The following ZFC3H1 variants were observed in gnomAD, a reference collection of about 807,000 sequenced individuals.
ZFC3H1 encodes zinc finger C3H1 domain-containing protein.
In ZFC3H1, 71 loss-of-function variants were observed where a neutral mutation model predicts 243.7. The ratio of observed to expected loss-of-function variants is 0.29; its 90% CI spans 0.24 to 0.36. The LOEUF (loss-of-function observed/expected upper bound fraction) is 0.36. Among genes scored for constraint, ZFC3H1 ranks in the 10% least tolerant of loss-of-function variants. The probability of loss-of-function intolerance (pLI) is 1.00; values close to 1 mark genes in which losing one functional copy is unlikely to be tolerated. For missense variants in ZFC3H1, 1,966 were observed against 2,317.1 expected (o/e 0.85, Z 3.11); for synonymous variants, 838 against 813.0 (o/e 1.03, Z -0.52).
At chr12:71,649,491 CA>C (rs1880825285) in intron 2 of ZFC3H1, among the ~76,000 whole-genome samples, 1 of 152,160 alleles carries the variant, frequency 6.6e-6, no homozygotes, top group Non-Finnish European at 1.5e-5. Flanking sequence ...GCTGTGCTAT[CA>C]TTTTTCATTT....
chr12:71,622,359 C>G (rs78179549), intron 24 of ZFC3H1, among the ~76,000 whole-genome samples: 2 of 152,164 alleles, frequency 1.3e-5, no homozygotes. Flanking sequence ...GGTCCCCATT[C>G]TTCTATGAAG....
chr12:71,650,287 T>C (rs1880848532), intron 2 of ZFC3H1, among the ~76,000 whole-genome samples: 1 of 152,090 alleles, frequency 6.6e-6, no homozygotes, highest in Non-Finnish European at 1.5e-5. Flanking sequence ...AAAAAATTAA[T>C]AAATACAATA....
rs193197488 is a variant in ZFC3H1 at position 71,623,656 on chromosome 12, A to G, written c.4507-59T>C. ...TTAGAGATGTCAGTACCAGATTAAC[A>G]TAATTTTTACTATGCTAAAGTTTAT... is the stretch of plus-strand genomic sequence containing the variant. On this transcript the variant is annotated intron_variant, in intron 23 of 34. Transcript: ENST00000378743. 3,114 of 1,253,062 alleles carry G rather than the reference A, an allele frequency of 2.5e-3. 11 individuals carry two copies. The highest frequency in any genetic ancestry group is 0.01 in the Middle Eastern group (46 of 4,496). The allele number at this position is 1,253,062 out of a possible 1,614,324, so 77.6% of individuals were successfully genotyped here.
chr12:71,619,859 T>G lies in ZFC3H1; in HGVS notation c.5049+67A>C. 3.4e-6 allele frequency: 5 copies of G among 1,449,604 alleles called. No homozygotes were observed. In the South Asian group the frequency reaches 6.8e-5, roughly 20 times the overall value. The allele number at this position is 1,449,604 out of a possible 1,614,324, so 89.8% of individuals were successfully genotyped here. On this transcript the variant is annotated intron_variant, in intron 26 of 34. Coordinates refer to ENST00000378743, the MANE Select transcript of ZFC3H1 (RefSeq NM_144982.5). ...GGTAAAAGGACCAGGAAACACTTCC[T>G]GGTGAGGCCAATAGCAAAATTTGAA...
chr12:71,649,475 T>C (rs913675847), intron 2 of ZFC3H1, among the ~76,000 whole-genome samples: 1 of 152,228 alleles, frequency 6.6e-6, no homozygotes, highest in Non-Finnish European at 1.5e-5. Flanking sequence ...CCATTTCACA[T>C]GCAAAGCTGT....
chr12:71,617,969 C>G (rs1384529502), intron 27 of ZFC3H1, among the ~76,000 whole-genome samples: 1 of 152,042 alleles, frequency 6.6e-6, no homozygotes, highest in Non-Finnish European at 1.5e-5. Flanking sequence ...ATGTTCACAA[C>G]AAGTTCTAGG....
chr12:71,625,191 A>G (rs932563916), intron 22 of ZFC3H1, among the ~76,000 whole-genome samples: 1 of 152,232 alleles, frequency 6.6e-6, no homozygotes. Flanking sequence ...GAAATAGAGT[A>G]GCAAGTTTAT....
chr12:71,646,131 T>G (rs1475061323), intron 3 of ZFC3H1, among the ~76,000 whole-genome samples: 1 of 152,234 alleles, frequency 6.6e-6, no homozygotes, highest in South Asian at 2.1e-4. Context: ...GGATACTAAC[T>G]AATGATTTCA....
intron 2 of ZFC3H1, among the ~76,000 whole-genome samples, chr12:71,652,510 T>C (rs1389822522): frequency 6.6e-6 from 1 of 152,200 alleles, no homozygotes; most frequent in Admixed American, 6.5e-5. Context: ...AAGCCCTCTG[T>C]GCCTGTCTAC....
chr12:71,626,597 C>A (rs1148991), intron 21 of ZFC3H1, 151 bp from the exon 22 acceptor site: 429,073 of 660,508 alleles, frequency 0.65, 149,080 homozygotes, highest in Middle Eastern at 0.76. Flanking sequence ...TACTAGATTT[C>A]AGATTTTAAA....
intron 27 of ZFC3H1, among the ~76,000 whole-genome samples, chr12:71,616,558 T>C (rs1348808721): frequency 3.9e-5 from 6 of 152,224 alleles, no homozygotes; most frequent in East Asian, 1.9e-4. Flanking sequence ...TCAATCAGTA[T>C]AGAATTCTAC....
chr12:71,647,103 A>T lies in ZFC3H1; in HGVS notation c.1080+646T>A, dbSNP rs148786411. On this transcript the variant is annotated intron_variant, in intron 3 of 34. Coordinates refer to ENST00000378743, the MANE Select transcript of ZFC3H1 (RefSeq NM_144982.5). ...GCCATCTTTTTCCTAAAGCTCCTAG[A>T]CTATTTAAATCATTTCAATTTATGC... Among the ~76,000 whole-genome samples the T allele has an allele frequency of 1.1e-3, 175 of 152,328 alleles. 1 individual carries two copies. The highest frequency in any genetic ancestry group is 4.0e-3 in the African/African-American group (166 of 41,564).
At position 71,631,808 on chromosome 12, in the gene ZFC3H1, T is replaced by C. The variant is rs1341582260; in HGVS notation, c.3440A>G (p.His1147Arg). 6.2e-6 allele frequency: 10 copies of C among 1,613,528 alleles called. No individual in the cohort carries two copies. The highest frequency in any genetic ancestry group is 2.7e-5 in the African/African-American group (2 of 75,040). The change falls in exon 16 of 35, where the codon CAT (histidine) becomes CGT (arginine). Residue 1147 changes from histidine to arginine, a missense_variant. Physicochemically the swap from His to Arg is conservative, Grantham distance 29. Transcript: ENST00000378743. ...EVKPCPFRPY[H>R]SPLLVFKSYR... ...GGACTTAAAAACTAGAAGAGGACTATGGTAGGGTCTAAAAGGACATGGCTT... is the reference window on the plus strand; with the variant it reads ...GGACTTAAAAACTAGAAGAGGACTACGGTAGGGTCTAAAAGGACATGGCTT...
At chr12:71,631,099 T>A in intron 16 of ZFC3H1, 145 bp from the exon 17 acceptor site, 1 of 844,774 alleles carries the variant, frequency 1.2e-6, no homozygotes, top group Non-Finnish European at 1.6e-6. Context: ...ATGCCAAAAT[T>A]AATTCGAGAA....
At chr12:71,650,152 C>G (rs903865376) in intron 2 of ZFC3H1, among the ~76,000 whole-genome samples, 3 of 152,024 alleles carry the variant, frequency 2.0e-5, no homozygotes, top group African/African-American at 7.2e-5. Context: ...CACGCCACTG[C>G]ACTCCAGCCT....
At chr12:71,628,890 C>A (rs1194172099) in intron 20 of ZFC3H1, 28 bp downstream of exon 20, 2 of 1,562,994 alleles carry the variant, frequency 1.3e-6, no homozygotes, top group Non-Finnish European at 1.7e-6. Context: ...TTTAATAATT[C>A]TGGATCTTAA....
Position 71,663,319 on chromosome 12 carries a change from G to A in ZFC3H1, c.292C>T (p.Leu98Phe), listed in dbSNP as rs1281752018. 7 of 1,613,356 alleles carry A rather than the reference G, an allele frequency of 4.3e-6. No homozygotes were observed. The Middle Eastern group carries it at 5.0e-4, about 114-fold the overall frequency. Residue 98 changes from leucine to phenylalanine, a missense_variant, in exon 1 of 35, where the codon CTC becomes TTC. Leu to Phe is a conservative substitution (Grantham distance 22, BLOSUM62 0). Transcript: ENST00000378743. ...GGTCGGTAGCTGCTGGGTCCCCTGA[G>A]GTGGCCCCGCTCAGACGCGTGCCGC... is the stretch of plus-strand genomic sequence containing the variant. ...RSRHASERGH[L>F]RGPSSYRPKE...
chr12:71,627,996 G>T (rs887147954), intron 20 of ZFC3H1, 62 bp from the exon 21 acceptor site: 14 of 1,480,448 alleles, frequency 9.5e-6, no homozygotes, highest in Non-Finnish European at 1.3e-5. Context: ...GCAAGAAAAA[G>T]AAAACAATTG....
At chr12:71,629,757 G>T in intron 18 of ZFC3H1, 47 bp from the exon 19 acceptor site, 1 of 1,191,010 alleles carries the variant, frequency 8.4e-7, no homozygotes, top group Non-Finnish European at 1.2e-6. Flanking sequence ...CAATTACAGA[G>T]ACTAGGATAA....
Sources: gnomAD v4.1 joint callset for allele counts (sites outside exome capture counted in the v4.1 genomes callset) on GRCh38, gnomAD v4.1.1 for gene constraint, MANE v1.5 for transcripts, NCBI Gene and HGNC (gene_info 2026-07-23, HGNC 2026-07-21) for gene names.